IL6R: variants seen among roughly 807,000 people sequenced by gnomAD.
The protein encoded by IL6R is interleukin 6 receptor.
IL6R carries 38 observed loss-of-function variants against 48.3 expected under a neutral mutation model. That is an observed-to-expected ratio of 0.79 (90% CI 0.61 to 1.03). IL6R has a LOEUF of 1.03. Among genes scored for constraint, IL6R ranks in the 50% least tolerant of loss-of-function variants. IL6R has a pLI of 0.00. For missense variants in IL6R, 534 were observed against 618.3 expected (o/e 0.86, Z 1.45); for synonymous variants, 264 against 256.2 (o/e 1.03, Z -0.29).
intron 5 of IL6R, 49 bp from the exon 6 acceptor site, chr1:154,435,920 C>T (rs778397873): frequency 1.3e-6 from 2 of 1,523,266 alleles, no homozygotes; most frequent in Non-Finnish European, 1.8e-6. Context: ...GCTACCTGCC[C>T]AGCACCATCC....
intron 6 of IL6R, among the ~76,000 whole-genome samples, chr1:154,443,348 G>T (rs1200698810): frequency 6.6e-6 from 1 of 152,196 alleles, no homozygotes; most frequent in Admixed American, 6.5e-5. Flanking sequence ...GCACTCCCAA[G>T]TGGGACATTC....
intron 1 of IL6R, chr1:154,415,131 T>A: frequency 2.0e-6 from 2 of 983,574 alleles, no homozygotes; most frequent in Non-Finnish European, 3.1e-6. Context: ...GAGTTGCTTG[T>A]ACTTGCCGTC....
chr1:154,432,629 A>G (rs1558312583), intron 3 of IL6R, among the ~76,000 whole-genome samples: 1 of 152,180 alleles, frequency 6.6e-6, no homozygotes, highest in Non-Finnish European at 1.5e-5. Flanking sequence ...AAGTGCTGGG[A>G]TTACAGGCGT....
Position 154,424,673 on chromosome 1 carries a change from A to T in IL6R, c.86-4523A>T, listed in dbSNP as rs547496603. On this transcript the variant is annotated intron_variant, in intron 1 of 9. Transcript: ENST00000368485. ...GATTAGAAGTGTCGTTGCATCTTCC[A>T]TACGTAACCGCATTCAGGCACTGAT... Among the ~76,000 whole-genome samples the T allele has an allele frequency of 1.4e-3, 211 of 152,336 alleles. 1 individual carries two copies. Among genetic ancestry groups the T allele is most frequent in the African/African-American group, 4.3e-3 (179 of 41,576 alleles).
chr1:154,414,330 A>C, intron 1 of IL6R: 1 of 1,090,866 alleles, frequency 9.2e-7, no homozygotes, highest in Non-Finnish European at 1.3e-6. Context: ...GTTTTAAATA[A>C]TGTGTGCCCT....
intron 9 of IL6R, among the ~76,000 whole-genome samples, chr1:154,460,723 C>A (rs1691204451): frequency 6.6e-6 from 1 of 152,102 alleles, no homozygotes; most frequent in Non-Finnish European, 1.5e-5. Context: ...AGTCAAGATG[C>A]CAAGACACCA....
intron 3 of IL6R, among the ~76,000 whole-genome samples, chr1:154,433,068 C>T (rs1015828910): frequency 2.0e-5 from 3 of 152,360 alleles, no homozygotes; most frequent in Admixed American, 6.5e-5. Flanking sequence ...GACTGAGCCC[C>T]GGCCCTCTGA....
chr1:154,460,803 G>A (rs1214317925), intron 9 of IL6R, among the ~76,000 whole-genome samples: 1 of 152,186 alleles, frequency 6.6e-6, no homozygotes, highest in Non-Finnish European at 1.5e-5. Context: ...CCTCTGTAGG[G>A]TCCAGCCGTA....
chr1:154,435,781 T>A (rs577561531), intron 5 of IL6R, among the ~76,000 whole-genome samples, 188 bp from the exon 6 acceptor site: 1 of 152,350 alleles, frequency 6.6e-6, no homozygotes, highest in Admixed American at 6.5e-5. Flanking sequence ...GGGCAGGGAC[T>A]TTCTGCTTCA....
At chr1:154,454,223 G>A (rs1036441226) in intron 8 of IL6R, 1 of 504,206 alleles carries the variant, frequency 2.0e-6, no homozygotes, top group Non-Finnish European at 3.6e-6. Context: ...CTGAGCTTGA[G>A]GTGTCTCTCT....
In IL6R at chr1:154,430,607, G is replaced by C. The variant is rs770953854; in HGVS notation, c.458+1G>C. ...AGGCTGTGCTCTTGGTGAGGAAGTT[G>C]TAAGTATCTTGGGCTGAGCTATGTG... is the stretch of plus-strand genomic sequence containing the variant. On this transcript the variant is annotated splice_donor_variant, in intron 3 of 9. Coordinates refer to ENST00000368485, the MANE Select transcript of IL6R (RefSeq NM_000565.4). LOFTEE classifies it high-confidence loss of function. 6.2e-7 allele frequency: 1 copy of C among 1,614,220 alleles called. No individual in the cohort carries two copies. Among genetic ancestry groups the C allele is most frequent in the Non-Finnish European group, 8.5e-7 (1 of 1,180,032 alleles).
rs148521372 is a variant in IL6R, at chr1:154,435,039, C to T, written c.690C>T (p.Asn230=). ...TCACAGTCACTGCCGTGGCCAGAAA[C>T]CCCCGCTGGCTCAGTGTCACCTGGC... The part of the protein sequence containing the change: ...ANITVTAVAR[N]PRWLSVTWQD... The change falls in exon 5 of 10, where the codon AAC becomes AAT. Residue 230 remains asparagine (N), a synonymous_variant. Coordinates refer to ENST00000368485, the MANE Select transcript of IL6R (RefSeq NM_000565.4). The T allele has an allele frequency of 1.3e-4, 211 of 1,614,052 alleles. No homozygotes were observed. Among genetic ancestry groups the T allele is most frequent in the Admixed American group, 3.7e-4 (22 of 60,006 alleles).
At chr1:154,438,452 G>A (rs1436254756) in intron 6 of IL6R, among the ~76,000 whole-genome samples, 1 of 151,644 alleles carries the variant, frequency 6.6e-6, no homozygotes, top group African/African-American at 2.4e-5. Flanking sequence ...GGGGTCAAAT[G>A]TTTCTAGCCC....
chr1:154,407,943 C>A (rs57569414), intron 1 of IL6R, among the ~76,000 whole-genome samples: 23,868 of 152,124 alleles, frequency 0.16, 2,254 homozygotes, highest in East Asian at 0.4. Context: ...TTAAGTATCT[C>A]AAAGAGCTAT....
intron 1 of IL6R, among the ~76,000 whole-genome samples, chr1:154,420,634 C>G (rs1487211824): frequency 6.6e-6 from 1 of 151,836 alleles, no homozygotes. Context: ...CTCCCGGATT[C>G]AAGCGATTCT....
chr1:154,466,390 G>A lies in IL6R; in HGVS notation c.*1010G>A, dbSNP rs1286783387. On this transcript the variant is annotated 3_prime_UTR_variant, in exon 10 of 10. Coordinates refer to ENST00000368485, the MANE Select transcript of IL6R (RefSeq NM_000565.4). Reference sequence around the variant, plus strand: ...GAAGACAATGTGAAAAGAAAAATGAGCCTGGCAAGAATGTGTTTAAACTTG... The same window carrying A: ...GAAGACAATGTGAAAAGAAAAATGAACCTGGCAAGAATGTGTTTAAACTTG... 6.6e-6 allele frequency: 1 copy of A among 152,222 alleles called. No individual in the cohort carries two copies. Among genetic ancestry groups the A allele is most frequent in the Non-Finnish European group, 1.5e-5 (1 of 68,038 alleles). The allele number at this position is 152,222 out of a possible 1,614,324, so 9.4% of individuals were successfully genotyped here. A position where few individuals can be genotyped will look rare whatever the true frequency, so the allele number is the denominator to read the frequency against.
chr1:154,419,125 T>C (rs575945442), intron 1 of IL6R, among the ~76,000 whole-genome samples: 1 of 152,294 alleles, frequency 6.6e-6, no homozygotes, highest in African/African-American at 2.4e-5. Flanking sequence ...ATGAGCTGTG[T>C]GAATTTGGGC....
intron 1 of IL6R, chr1:154,415,098 C>T: frequency 8.2e-7 from 1 of 1,225,320 alleles, no homozygotes. Flanking sequence ...AAGATTGGGG[C>T]TTTTACGGTT....
rs2149282157 is a variant in IL6R at position 154,466,952 on chromosome 1, C to T, written c.*1572C>T. The T allele has an allele frequency of 6.5e-6, 1 of 152,812 alleles. No homozygotes were observed. Among genetic ancestry groups the T allele is most frequent in the African/African-American group, 2.4e-5 (1 of 41,520 alleles). 9.5% of individuals were successfully genotyped at this position (152,812 alleles called of 1,614,324 possible). The stretch of plus-strand genomic sequence containing the variant: ...TTGTCTTAAAAAGTGGAAAAATAGC[C>T]TGCCTCTTCTCTACTCTAGGGAAAA... On this transcript the variant is annotated 3_prime_UTR_variant, in exon 10 of 10. Transcript: ENST00000368485.
Sources: allele counts gnomAD v4.1 joint callset (sites outside exome capture counted in the v4.1 genomes callset), GRCh38; gene constraint gnomAD v4.1.1; transcripts MANE v1.5; gene names NCBI Gene and HGNC (gene_info 2026-07-23, HGNC 2026-07-21).